The following TASP1 variants were observed in gnomAD, a reference collection of about 807,000 sequenced individuals.
The protein encoded by TASP1 is taspase 1.
A neutral mutation model predicts 56.6 loss-of-function variants in TASP1; 16 were observed. That is an observed-to-expected ratio of 0.28 (90% confidence interval 0.19 to 0.43). TASP1 has a LOEUF of 0.43. Ranked by LOEUF, TASP1 falls within the 20% of genes least tolerant of loss-of-function variation. The pLI is 1.00. For missense variants in TASP1, 393 were observed against 511.6 expected, an observed-to-expected ratio of 0.77 and a Z score of 2.24; for synonymous variants, 179 against 184.2, an observed-to-expected ratio of 0.97 and a Z score of 0.23.
At chr20:13,476,502 A>T (rs912233334) in intron 11 of TASP1, among the ~76,000 whole-genome samples, 7 of 152,168 alleles carry the variant, frequency 4.6e-5, no homozygotes, top group African/African-American at 1.7e-4. Context: ...GCAAGTTCCT[A>T]TATTTCCTGA....
chr20:13,395,821 T>C lies in TASP1; in HGVS notation c.1171-5369A>G, dbSNP rs553463046. Among the ~76,000 whole-genome samples, 91 of 151,796 alleles carry C rather than the reference T, an allele frequency of 6.0e-4. 1 individual carries two copies. Among genetic ancestry groups the C allele is most frequent in the Admixed American group, 1.2e-3 (18 of 15,250 alleles). On this transcript the variant is annotated intron_variant, in intron 13 of 13. Coordinates refer to ENST00000337743, the MANE Select transcript of TASP1 (RefSeq NM_017714.3). ...GGTTCAAGAGATTCTCCTGCCTCAG[T>C]CTCCTGGGTAGCTGGGACTATAGGC... is the stretch of plus-strand genomic sequence containing the variant.
the TASP1 span, among the ~76,000 whole-genome samples, chr20:13,325,440 A>G: frequency 6.6e-6 from 1 of 152,296 alleles, no homozygotes; most frequent in East Asian, 1.9e-4. Flanking sequence ...ATTTCCACAC[A>G]GGCAGAAGAG....
chr20:13,456,354 C>T (rs575164962), intron 11 of TASP1, among the ~76,000 whole-genome samples: 47 of 152,092 alleles, frequency 3.1e-4, no homozygotes, highest in Non-Finnish European at 6.5e-4. Context: ...CAACATCCTG[C>T]TCACTCCTCT....
intron 8 of TASP1, among the ~76,000 whole-genome samples, chr20:13,553,541 C>T (rs1338954977): frequency 6.6e-6 from 1 of 152,058 alleles, no homozygotes; most frequent in African/African-American, 2.4e-5. Flanking sequence ...CATGTCTTCC[C>T]TCTAAATAAC....
the TASP1 span, chr20:13,126,784 C>T: frequency 1.3e-6 from 2 of 1,580,202 alleles, no homozygotes; most frequent in South Asian, 1.2e-5. Flanking sequence ...ATTAATCTCC[C>T]CGCTTCTCAA....
intron 12 of TASP1, among the ~76,000 whole-genome samples, chr20:13,434,013 T>C (rs932767102): frequency 2.0e-5 from 3 of 152,170 alleles, no homozygotes; most frequent in Non-Finnish European, 1.5e-5. Context: ...GTATTCCTGA[T>C]TCTATTTATA....
the TASP1 span, chr20:13,292,429 C>T: frequency 1.9e-5 from 31 of 1,605,574 alleles, no homozygotes; most frequent in South Asian, 1.5e-4. Context: ...TTGCGGGAAG[C>T]GAGGAGTTTA....
the TASP1 span, chr20:13,238,095 A>G: frequency 6.6e-6 from 1 of 150,654 alleles, no homozygotes; most frequent in South Asian, 2.1e-4. Context: ...CGTTTACAAT[A>G]AAGAGGAGCA....
At chr20:13,294,527 G>A in the TASP1 span, among the ~76,000 whole-genome samples, 2 of 152,302 alleles carry the variant, frequency 1.3e-5, no homozygotes, top group South Asian at 4.1e-4. Flanking sequence ...CAGCCCAGAT[G>A]CACAAAGCCA....
the TASP1 span, among the ~76,000 whole-genome samples, chr20:13,320,411 T>G: frequency 3.0e-4 from 45 of 152,188 alleles, 1 homozygote; most frequent in East Asian, 8.7e-3. Flanking sequence ...TAGAGACAAA[T>G]GGTACCAAAG....
intron 10 of TASP1, among the ~76,000 whole-genome samples, chr20:13,495,535 C>T (rs751176216): frequency 3.3e-5 from 5 of 152,158 alleles, no homozygotes; most frequent in Non-Finnish European, 7.4e-5. Flanking sequence ...AATATCAATA[C>T]AGAAATTGTC....
the TASP1 span, among the ~76,000 whole-genome samples, chr20:13,288,941 T>C: frequency 2.0e-5 from 3 of 152,110 alleles, no homozygotes; most frequent in Admixed American, 6.5e-5. Context: ...CATGCCACCA[T>C]GCCTGGCTAA....
At chr20:13,127,398 T>G in the TASP1 span, among the ~76,000 whole-genome samples, 3 of 152,206 alleles carry the variant, frequency 2.0e-5, no homozygotes, top group Admixed American at 6.5e-5. Flanking sequence ...GGCAAACTGG[T>G]GAGCACATTT....
the TASP1 span, among the ~76,000 whole-genome samples, chr20:13,234,156 T>C: frequency 6.6e-6 from 1 of 152,170 alleles, no homozygotes; most frequent in Non-Finnish European, 1.5e-5. Flanking sequence ...GTCTGATTAC[T>C]CTTTGTATGT....
At chr20:13,318,281 C>G in the TASP1 span, among the ~76,000 whole-genome samples, 2 of 152,140 alleles carry the variant, frequency 1.3e-5, no homozygotes, top group African/African-American at 2.4e-5. Flanking sequence ...AACACAACAA[C>G]AAGATACCAT....
chr20:13,249,663 C>T, the TASP1 span, among the ~76,000 whole-genome samples: 1 of 152,232 alleles, frequency 6.6e-6, no homozygotes, highest in African/African-American at 2.4e-5. Context: ...AATTGGCCAA[C>T]TGGCAGGCTC....
chr20:13,478,208 C>A (rs1169651713), intron 11 of TASP1, among the ~76,000 whole-genome samples: 1 of 151,942 alleles, frequency 6.6e-6, no homozygotes, highest in Admixed American at 6.6e-5. Context: ...TATTTTTGCA[C>A]CAACCTAATA....
the TASP1 span, among the ~76,000 whole-genome samples, chr20:13,134,426 A>G: frequency 6.6e-6 from 1 of 152,194 alleles, no homozygotes; most frequent in African/African-American, 2.4e-5. Flanking sequence ...TGTTGGGGAA[A>G]GTTCCCCCGC....
At chr20:13,292,327 A>G in the TASP1 span, 1 of 1,232,644 alleles carries the variant, frequency 8.1e-7, no homozygotes, top group East Asian at 2.5e-5. Context: ...GGGGGAGATA[A>G]CTTTTTCCAT....
Sources: gnomAD v4.1 joint callset for allele counts (sites outside exome capture counted in the v4.1 genomes callset) on GRCh38, gnomAD v4.1.1 for gene constraint, MANE v1.5 for transcripts, NCBI Gene and HGNC (gene_info 2026-07-23, HGNC 2026-07-21) for gene names.